Variants in EDN1 observed in about 807,000 individuals in gnomAD.
EDN1 encodes the protein endothelin-1.
A neutral mutation model predicts 21.7 loss-of-function variants in EDN1; 11 were observed. The ratio of observed to expected loss-of-function variants is 0.51; its 90% CI spans 0.32 to 0.84. The LOEUF (loss-of-function observed/expected upper bound fraction) is 0.84, where lower values mean the gene tolerates loss of function less well. Among genes scored for constraint, EDN1 ranks in the 40% least tolerant of loss-of-function variants. The probability of loss-of-function intolerance (pLI) is 0.03; values close to 1 mark genes in which losing one functional copy is unlikely to be tolerated. For missense variants in EDN1, 244 were observed against 262.3 expected, an observed-to-expected ratio of 0.93 and a Z score of 0.48; for synonymous variants, 85 against 90.6, an observed-to-expected ratio of 0.94 and a Z score of 0.35.
chr6:12,251,414 C>G, the EDN1 span, among the ~76,000 whole-genome samples: 1 of 152,150 alleles, frequency 6.6e-6, no homozygotes, highest in African/African-American at 2.4e-5. Context: ...AGGTGTCATT[C>G]AAGAAGGAAT....
chr6:12,290,769 C>A, intron 1 of EDN1, 76 bp downstream of exon 1: 2 of 1,326,362 alleles, frequency 1.5e-6, no homozygotes, highest in Non-Finnish European at 2.2e-6. Flanking sequence ...GCTTTTCTTG[C>A]TTCTATTTTT....
the EDN1 span, among the ~76,000 whole-genome samples, chr6:12,283,330 A>G: frequency 6.6e-6 from 1 of 152,156 alleles, no homozygotes. Context: ...ATAATTACAG[A>G]TTATCCTTTT....
At chr6:12,295,246 G>A (rs1762794407) in intron 4 of EDN1, among the ~76,000 whole-genome samples, 1 of 152,048 alleles carries the variant, frequency 6.6e-6, no homozygotes, top group African/African-American at 2.4e-5. Context: ...CTCAGGCCAG[G>A]CAGTCATGAA....
the EDN1 span, among the ~76,000 whole-genome samples, chr6:12,254,286 G>A: frequency 1.7e-4 from 26 of 152,040 alleles, no homozygotes; most frequent in Admixed American, 1.4e-3. Flanking sequence ...CCTCTGCCTG[G>A]TACCCGCTCT....
At chr6:12,245,500 G>T in the EDN1 span, among the ~76,000 whole-genome samples, 1 of 152,102 alleles carries the variant, frequency 6.6e-6, no homozygotes, top group Non-Finnish European at 1.5e-5. Flanking sequence ...CTGAAAACCT[G>T]GGGGGAAAGA....
At chr6:12,271,192 A>G in the EDN1 span, among the ~76,000 whole-genome samples, 1 of 152,112 alleles carries the variant, frequency 6.6e-6, no homozygotes, top group African/African-American at 2.4e-5. Flanking sequence ...TATTATTGAT[A>G]TGTAAAGACT....
chr6:12,265,969 G>T, the EDN1 span, among the ~76,000 whole-genome samples: 1 of 152,162 alleles, frequency 6.6e-6, no homozygotes. Flanking sequence ...TCAGAGACTG[G>T]TCACTGCTTG....
At chr6:12,231,220 T>C in the EDN1 span, among the ~76,000 whole-genome samples, 1 of 152,218 alleles carries the variant, frequency 6.6e-6, no homozygotes, top group Non-Finnish European at 1.5e-5. Flanking sequence ...GAGTGGGTGA[T>C]TGAACACCAC....
intron 3 of EDN1, 81 bp downstream of exon 3, chr6:12,294,177 TAG>T (rs1762764758): frequency 1.2e-6 from 2 of 1,613,500 alleles, no homozygotes; most frequent in Middle Eastern, 1.6e-4. Flanking sequence ...CTTCCTGTTT[TAG>T]AGAGACTAAC....
chr6:12,274,149 A>G, the EDN1 span, among the ~76,000 whole-genome samples: 1 of 152,222 alleles, frequency 6.6e-6, no homozygotes, highest in Non-Finnish European at 1.5e-5. Context: ...TGATTTTTAA[A>G]TATGTACACT....
chr6:12,239,891 TCAAAAACAGAAAACAAAAAA>T, the EDN1 span, among the ~76,000 whole-genome samples: 1 of 151,532 alleles, frequency 6.6e-6, no homozygotes, highest in African/African-American at 2.4e-5. Flanking sequence ...CCTGGGTGTC[TCAAAAACAGAAAACAAAAAA>T]CAAAAACAGA....
At chr6:12,294,236 T>A in intron 3 of EDN1, 25 bp from the exon 4 acceptor site, 1 of 1,614,114 alleles carries the variant, frequency 6.2e-7, no homozygotes, top group Non-Finnish European at 8.5e-7. Context: ...ATTGCTGAAA[T>A]GTTTTTCCTT....
the EDN1 span, among the ~76,000 whole-genome samples, chr6:12,234,717 G>A: frequency 6.6e-6 from 1 of 152,128 alleles, no homozygotes; most frequent in South Asian, 2.1e-4. Context: ...ATCCTACCTG[G>A]AACTCACTCA....
the EDN1 span, among the ~76,000 whole-genome samples, chr6:12,237,832 A>G: frequency 6.6e-6 from 1 of 152,166 alleles, no homozygotes; most frequent in African/African-American, 2.4e-5. Flanking sequence ...GGCATTTCTC[A>G]TGTACTCAAA....
the EDN1 span, among the ~76,000 whole-genome samples, chr6:12,269,286 G>A: frequency 4.6e-5 from 7 of 152,040 alleles, no homozygotes; most frequent in Admixed American, 4.6e-4. Flanking sequence ...GACAGACACA[G>A]TTTGACTTCC....
At chr6:12,272,592 G>A in the EDN1 span, among the ~76,000 whole-genome samples, 2 of 151,424 alleles carry the variant, frequency 1.3e-5, no homozygotes, top group Non-Finnish European at 2.9e-5. Context: ...GGAGTAGCTG[G>A]GATTGCAGGC....
At chr6:12,293,214 G>T (rs1049545479) in intron 2 of EDN1, among the ~76,000 whole-genome samples, 1 of 152,176 alleles carries the variant, frequency 6.6e-6, no homozygotes, top group African/African-American at 2.4e-5. Context: ...ACAATGTACC[G>T]TTATGACAAA....
the EDN1 span, among the ~76,000 whole-genome samples, chr6:12,269,451 T>A: frequency 6.6e-6 from 1 of 152,154 alleles, no homozygotes. Flanking sequence ...TAGCATGATT[T>A]AACTGTGGGT....
chr6:12,253,094 C>A, the EDN1 span, among the ~76,000 whole-genome samples: 1 of 152,072 alleles, frequency 6.6e-6, no homozygotes, highest in Non-Finnish European at 1.5e-5. Flanking sequence ...TAAAATATAA[C>A]CCCACACACT....
Sources: gnomAD v4.1 joint callset for allele counts (sites outside exome capture counted in the v4.1 genomes callset) on GRCh38, gnomAD v4.1.1 for gene constraint, MANE v1.5 for transcripts, NCBI Gene and HGNC (gene_info 2026-07-23, HGNC 2026-07-21) for gene names.